The following WTAP variants were observed in gnomAD, a reference collection of about 807,000 sequenced individuals.
WTAP encodes the protein pre-mRNA-splicing regulator WTAP.
WTAP carries 8 observed loss-of-function variants against 50.0 expected under a neutral mutation model. That is an observed-to-expected ratio of 0.16 (90% CI 0.09 to 0.29). The LOEUF is 0.29. Among genes scored for constraint, WTAP ranks in the 10% least tolerant of loss-of-function variants. The pLI is 1.00. For missense variants in WTAP, 295 were observed against 470.7 expected (o/e 0.63, Z 3.45); for synonymous variants, 194 against 169.0 (o/e 1.15, Z -1.15).
chr6:159,727,242 G>A (rs767930552), upstream of WTAP: 164 of 1,282,424 alleles, frequency 1.3e-4, no homozygotes, highest in Middle Eastern at 2.1e-4. Flanking sequence ...GATCGGGCTA[G>A]GCCGACGGCC....
chr6:159,748,071 C>CA lies in WTAP; in HGVS notation c.274-117dup, dbSNP rs1337624936. 1.6e-6 allele frequency: 2 copies of CA among 1,250,198 alleles called. No homozygotes were observed. Among genetic ancestry groups the CA allele is most frequent in the African/African-American group, 3.0e-5 (2 of 66,022 alleles). The allele number at this position is 1,250,198 out of a possible 1,614,324, so 77.4% of individuals were successfully genotyped here. ...AGATTTTTCTAGAGAATTTCAGGAT[C>CA]AAAGAGGGGAGGAGCTTAATGAAAG... On this transcript the variant is annotated intron_variant, in intron 5 of 7. Transcript: ENST00000621533. This position sits in a 1 kb window ranked among gnomAD's most constrained non-coding sequence, Gnocchi z 5.6.
Position 159,755,866 on chromosome 6 carries a change from G to T in WTAP, c.*255G>T. Reference sequence around the variant, plus strand: ...TGTTGCTAAAAGGACATTTTGTGTAGGGTCAAGTTATTTTTATATGAGTTA... The same window carrying T: ...TGTTGCTAAAAGGACATTTTGTGTATGGTCAAGTTATTTTTATATGAGTTA... On this transcript the variant is annotated 3_prime_UTR_variant, in exon 8 of 8. Coordinates refer to ENST00000621533, the MANE Select transcript of WTAP (RefSeq NM_001270531.2). The T allele has an allele frequency of 2.0e-6, 1 of 499,868 alleles. No homozygotes were observed. Among genetic ancestry groups the T allele is most frequent in the Non-Finnish European group, 3.0e-6 (1 of 337,438 alleles). 31.0% of individuals were successfully genotyped at this position (499,868 alleles called of 1,614,324 possible). A position where few individuals can be genotyped will look rare whatever the true frequency, so the allele number is the denominator to read the frequency against.
chr6:159,750,300 A>T (rs1284527688), intron 6 of WTAP, among the ~76,000 whole-genome samples: 1 of 152,238 alleles, frequency 6.6e-6, no homozygotes, highest in Non-Finnish European at 1.5e-5. Flanking sequence ...ATGTACTCAA[A>T]TTGAGCAGGC....
chr6:159,737,090 C>G (rs1297607616), intron 2 of WTAP, among the ~76,000 whole-genome samples: 6 of 152,174 alleles, frequency 3.9e-5, no homozygotes, highest in African/African-American at 1.4e-4. Context: ...CTCTCTTGCC[C>G]AGGTTGGAGT....
intron 6 of WTAP, among the ~76,000 whole-genome samples, chr6:159,752,370 T>C (rs1284923500): frequency 1.3e-5 from 2 of 152,180 alleles, no homozygotes; most frequent in East Asian, 3.8e-4. Flanking sequence ...TCTTTTTTCA[T>C]AAATAATTAC....
At chr6:159,754,126 CTCT>C (rs1779919965) in intron 7 of WTAP, among the ~76,000 whole-genome samples, 3 of 152,292 alleles carry the variant, frequency 2.0e-5, no homozygotes, top group Non-Finnish European at 4.4e-5. Context: ...ATCTCTGTTT[CTCT>C]TCTTTGTAAG....
At chr6:159,741,824 C>T (rs1337356677) in intron 3 of WTAP, 1 of 295,230 alleles carries the variant, frequency 3.4e-6, no homozygotes, top group Non-Finnish European at 6.3e-6. Flanking sequence ...CCCATCTCTA[C>T]AAAAAAATGA....
intron 4 of WTAP, among the ~76,000 whole-genome samples, chr6:159,742,398 A>G (rs1384096751): frequency 1.3e-5 from 2 of 152,206 alleles, no homozygotes; most frequent in Non-Finnish European, 2.9e-5. Flanking sequence ...GGTTCTGAAT[A>G]TAGATGCAGT....
At chr6:159,746,125 C>T (rs777422048) in intron 5 of WTAP, among the ~76,000 whole-genome samples, 7 of 152,104 alleles carry the variant, frequency 4.6e-5, no homozygotes, top group East Asian at 1.9e-4. Flanking sequence ...CTGTACAATA[C>T]GAATTTAAAA....
At position 159,755,350 on chromosome 6, in the gene WTAP, TAATA is replaced by T; in HGVS notation, c.932_935del (p.Asn311SerfsTer18). ...ACTTTCCTTCTTCTCCAGGGAATGG[TAATA>T]AGTCCTCCAACAGCTCAGAGGAGAG... On this transcript the variant is annotated frameshift_variant, in exon 8 of 8. Coordinates refer to ENST00000621533, the MANE Select transcript of WTAP (RefSeq NM_001270531.2). LOFTEE classifies it high-confidence loss of function. The T allele has an allele frequency of 6.2e-7, 1 of 1,614,140 alleles. No individual in the cohort carries two copies. Among genetic ancestry groups the T allele is most frequent in the Non-Finnish European group, 8.5e-7 (1 of 1,180,010 alleles).
chr6:159,750,675 A>G (rs1183411583), intron 6 of WTAP, among the ~76,000 whole-genome samples: 2 of 152,174 alleles, frequency 1.3e-5, no homozygotes, highest in South Asian at 2.1e-4. Context: ...ATGTATCTAG[A>G]CAACTACATT....
At position 159,742,129 on chromosome 6, in the gene WTAP, A is replaced by G. The variant is rs746348228; in HGVS notation, c.128A>G (p.Lys43Arg). 3 of 1,608,362 alleles carry G rather than the reference A, an allele frequency of 1.9e-6. No homozygotes were observed. Among genetic ancestry groups the G allele is most frequent in the East Asian group, 2.2e-5 (1 of 44,740 alleles). Residue 43 changes from lysine (K) to arginine (R), a missense_variant, in exon 4 of 8, where the codon AAG (lysine) becomes AGG (arginine). Lys to Arg is a conservative substitution (Grantham distance 26, BLOSUM62 2). Coordinates refer to ENST00000621533, the MANE Select transcript of WTAP (RefSeq NM_001270531.2). ...GCATATGTACAAGCTTTGGAGGGCAAGTACACAGATCTTAACTGTAAGTTT... is the reference window on the plus strand; with the variant it reads ...GCATATGTACAAGCTTTGGAGGGCAGGTACACAGATCTTAACTGTAAGTTT... Reference protein sequence around the residue: ...YEAYVQALEGKYTDLNSNDVT... With the variant: ...YEAYVQALEGRYTDLNSNDVT...
intron 1 of WTAP, chr6:159,730,779 C>T (rs1245803633): frequency 2.0e-5 from 3 of 152,092 alleles, no homozygotes; most frequent in Non-Finnish European, 4.4e-5. Flanking sequence ...GAAGTGTAGA[C>T]ATTTATCCAA....
intron 2 of WTAP, among the ~76,000 whole-genome samples, chr6:159,736,899 T>C (rs566366883): frequency 1.4e-4 from 22 of 152,328 alleles, no homozygotes; most frequent in Non-Finnish European, 2.5e-4. Flanking sequence ...TGTGATTCAA[T>C]TGGGAAAGCT....
At chr6:159,736,537 T>C in intron 2 of WTAP, 2 of 376,018 alleles carry the variant, frequency 5.3e-6, no homozygotes, top group South Asian at 6.1e-5. Flanking sequence ...AATATTCCCA[T>C]GGTCTACTCT....
intron 4 of WTAP, among the ~76,000 whole-genome samples, chr6:159,742,960 T>G (rs896405967): frequency 2.0e-5 from 3 of 152,176 alleles, no homozygotes; most frequent in African/African-American, 7.2e-5. Flanking sequence ...GAGCCCTGAT[T>G]GTGCCACTGG....
At chr6:159,735,178 G>T (rs1778829063) in intron 1 of WTAP, among the ~76,000 whole-genome samples, 1 of 152,154 alleles carries the variant, frequency 6.6e-6, no homozygotes, top group Non-Finnish European at 1.5e-5. Context: ...AGTCTCTGTT[G>T]CCCAGGCTGG....
chr6:159,755,417 A>G lies in WTAP; in HGVS notation c.997A>G (p.Ser333Gly). The change falls in exon 8 of 8, where the codon AGT (serine) becomes GGT (glycine). Residue 333 changes from serine (S) to glycine (G), a missense_variant. This residue lies in a region of WTAP where 175 missense variants were observed against 183.1 expected (regional missense o/e 0.96). Transcript: ENST00000621533. ...AGGTAGTGGTTACGTAAATCAACTC[A>G]GTGCGGGGTATGAAAGTGTAGACTC... ...RGGSGYVNQL[S>G]AGYESVDSPT... The G allele has an allele frequency of 6.2e-7, 1 of 1,614,200 alleles. No homozygotes were observed. The highest frequency in any genetic ancestry group is 8.5e-7 in the Non-Finnish European group (1 of 1,180,034).
chr6:159,744,815 G>A (rs1184795964), intron 5 of WTAP, among the ~76,000 whole-genome samples: 1 of 152,074 alleles, frequency 6.6e-6, no homozygotes, highest in African/African-American at 2.4e-5. Context: ...CCGAGTAACT[G>A]ATTTCAGGTG....
Sources: gnomAD v4.1 joint callset for allele counts (sites outside exome capture counted in the v4.1 genomes callset) on GRCh38, gnomAD v4.1.1 for gene constraint, gnomAD v4.1.1 regional missense constraint, Gnocchi (gnomAD v3.1) non-coding constraint, MANE v1.5 for transcripts, NCBI Gene and HGNC (gene_info 2026-07-23, HGNC 2026-07-21) for gene names.